The following PCDHGA6 variants were observed in gnomAD, a reference collection of about 807,000 sequenced individuals.
The protein encoded by PCDHGA6 is protocadherin gamma-A6.
Under a neutral mutation model 60.6 loss-of-function variants are expected in PCDHGA6, and 41 were observed. The ratio of observed to expected loss-of-function variants is 0.68; its 90% confidence interval spans 0.53 to 0.88. The LOEUF is 0.88. PCDHGA6 is among the 40% of genes least tolerant of loss of function. The pLI is 0.00. For missense variants in PCDHGA6, 1,312 were observed against 1,203.0 expected, an observed-to-expected ratio of 1.09 and a Z score of -1.34; for synonymous variants, 594 against 524.4, an observed-to-expected ratio of 1.13 and a Z score of -1.81.
At chr5:141,408,953 CTT>C in intron 1 of PCDHGA6, 1 of 1,613,552 alleles carries the variant, frequency 6.2e-7, no homozygotes, top group Non-Finnish European at 8.5e-7. Context: ...TAGAATTAGT[CTT>C]AGTGAAAATC....
rs776015544 is a variant in PCDHGA6, at chr5:141,485,125, G to C, written c.2425-9682G>C. The C allele has an allele frequency of 7.1e-7, 1 of 1,412,278 alleles. No homozygotes were observed. Among genetic ancestry groups the C allele is most frequent in the Admixed American group, 1.7e-5 (1 of 57,660 alleles). 87.5% of individuals were successfully genotyped at this position (1,412,278 alleles called of 1,614,324 possible). On this transcript the variant is annotated intron_variant, in intron 1 of 3. Transcript: ENST00000517434. The surrounding 1 kb of genome is among the most constrained non-coding windows in gnomAD (Gnocchi z 5.7). The stretch of plus-strand genomic sequence containing the variant: ...CTGCTGTGGCTGTTTGGGGCGGGTC[G>C]GCTTCATCCGCGTCTCAGGAGCAAG...
At chr5:141,408,378 TG>T (rs780092463) in intron 1 of PCDHGA6, 2 of 1,614,002 alleles carry the variant, frequency 1.2e-6, no homozygotes, top group Admixed American at 1.7e-5. Flanking sequence ...CTCAGTGTCC[TG>T]GATGTGTCGG....
At chr5:141,403,811 A>C in intron 1 of PCDHGA6, 1 of 1,613,930 alleles carries the variant, frequency 6.2e-7, no homozygotes, top group Non-Finnish European at 8.5e-7. Flanking sequence ...AATTAATGAA[A>C]AACAATCTCT....
chr5:141,409,753 G>T, intron 1 of PCDHGA6: 1 of 1,613,006 alleles, frequency 6.2e-7, no homozygotes. Context: ...TGTTCGCGCA[G>T]CGCGCCTTTG....
At chr5:141,403,612 G>A (rs1314297922) in intron 1 of PCDHGA6, 1 of 1,613,854 alleles carries the variant, frequency 6.2e-7, no homozygotes, top group Non-Finnish European at 8.5e-7. Flanking sequence ...GCGGCGAGCC[G>A]CGTCGCTCCA....
intron 1 of PCDHGA6, among the ~76,000 whole-genome samples, chr5:141,437,526 G>A (rs1199002765): frequency 1.3e-5 from 2 of 152,160 alleles, no homozygotes; most frequent in East Asian, 3.8e-4. Context: ...GATGACAAAT[G>A]AGCAAATTGT....
At chr5:141,450,006 CTTT>C (rs1554136305) in intron 1 of PCDHGA6, among the ~76,000 whole-genome samples, 9 of 132,974 alleles carry the variant, frequency 6.8e-5, no homozygotes, top group Admixed American at 7.8e-5. Context: ...TGCCATGTCT[CTTT>C]TTTTTTTTTT....
chr5:141,492,546 G>A (rs2154587552), intron 1 of PCDHGA6, among the ~76,000 whole-genome samples: 1 of 152,336 alleles, frequency 6.6e-6, no homozygotes, highest in East Asian at 1.9e-4. Flanking sequence ...GCTGGGCCGG[G>A]TCGCCTGGGG....
intron 1 of PCDHGA6, chr5:141,383,980 C>T: frequency 6.2e-7 from 1 of 1,613,696 alleles, no homozygotes; most frequent in Admixed American, 1.7e-5. Context: ...TGAAGACACA[C>T]CTCTTGGGAC....
intron 1 of PCDHGA6, among the ~76,000 whole-genome samples, chr5:141,456,902 G>A (rs886945444): frequency 6.6e-6 from 1 of 152,294 alleles, no homozygotes; most frequent in South Asian, 2.1e-4. Flanking sequence ...GGCAGAGGTT[G>A]CAGTGAGCCG....
In PCDHGA6 at chr5:141,490,134, C is replaced by G; in HGVS notation, c.2425-4673C>G. On this transcript the variant is annotated intron_variant, in intron 1 of 3. Transcript: ENST00000517434. This position sits in a 1 kb window ranked among gnomAD's most constrained non-coding sequence, Gnocchi z 5.4. ...GGAACCTCTTTGGCCTAGACCCTAG[C>G]AGTGGGGCAATCCATGTGTTGGGTC... The G allele has an allele frequency of 1.2e-6, 2 of 1,614,232 alleles. No homozygotes were observed. The highest frequency in any genetic ancestry group is 1.7e-6 in the Non-Finnish European group (2 of 1,180,030).
intron 1 of PCDHGA6, chr5:141,391,745 C>T (rs1371260062): frequency 6.6e-6 from 1 of 152,116 alleles, no homozygotes; most frequent in African/African-American, 2.4e-5. Flanking sequence ...CATACTTATC[C>T]TTTGGCTTCT....
At chr5:141,448,654 A>G (rs966383140) in intron 1 of PCDHGA6, among the ~76,000 whole-genome samples, 1 of 152,048 alleles carries the variant, frequency 6.6e-6, no homozygotes, top group African/African-American at 2.4e-5. Context: ...AAATATTTCC[A>G]TATTGGCCGG....
chr5:141,495,412 G>A lies in PCDHGA6; in HGVS notation c.2483+547G>A, dbSNP rs188302135. 2.2e-4 allele frequency among the ~76,000 whole-genome samples: 33 copies of A among 152,284 alleles called. No homozygotes were observed. The East Asian group carries it at 6.4e-3, about 29-fold the overall frequency. ...GGCATGGAGCAGGCCCCCTTCTCCG[G>A]CCCCTCCTCCCACTGTCCTCTGCCC... On this transcript the variant is annotated intron_variant, in intron 2 of 3. Coordinates refer to ENST00000517434, the MANE Select transcript of PCDHGA6 (RefSeq NM_018919.3).
At position 141,403,830 on chromosome 5, in the gene PCDHGA6, A is replaced by G. The variant is rs763794433; in HGVS notation, c.2424+27323A>G. On this transcript the variant is annotated intron_variant, in intron 1 of 3. Coordinates refer to ENST00000517434, the MANE Select transcript of PCDHGA6 (RefSeq NM_018919.3). ...AATGAAAAACAATCTCTGCTATTCC[A>G]GCTTAATGAAAATACTGGGGAAATA... The G allele has an allele frequency of 3.7e-6, 6 of 1,613,754 alleles. No individual in the cohort carries two copies. In the Admixed American group the frequency reaches 5.0e-5, roughly 13 times the overall value.
intron 1 of PCDHGA6, chr5:141,405,493 C>T: frequency 1.2e-6 from 1 of 841,642 alleles, no homozygotes; most frequent in Middle Eastern, 3.1e-4. Flanking sequence ...GATCTCGGCT[C>T]ATTGCAACCT....
intron 1 of PCDHGA6, among the ~76,000 whole-genome samples, chr5:141,425,382 G>A (rs1455106607): frequency 1.3e-5 from 2 of 152,208 alleles, no homozygotes; most frequent in African/African-American, 4.8e-5. Context: ...TTGATTCGGA[G>A]GTAGTGATAA....
rs2099884522 is a variant in PCDHGA6, at chr5:141,512,941, T to C, written c.*1768T>C. On this transcript the variant is annotated 3_prime_UTR_variant, in exon 4 of 4. Transcript: ENST00000517434. ...CTAATATTTATATGGCTTTTTTTCT[T>C]CGACAAAAAAATAATAAAACGTTTC... The C allele has an allele frequency of 6.6e-6, 1 of 151,892 alleles. No individual in the cohort carries two copies. The highest frequency in any genetic ancestry group is 6.6e-5 in the Admixed American group (1 of 15,236). The allele number at this position is 151,892 out of a possible 1,614,324, so 9.4% of individuals were successfully genotyped here.
In PCDHGA6 at chr5:141,388,127, C is replaced by T. The variant is rs760517049; in HGVS notation, c.2424+11620C>T. 21 of 1,427,554 alleles carry T rather than the reference C, an allele frequency of 1.5e-5. No homozygotes were observed. The African/African-American group carries it at 2.9e-4, about 20-fold the overall frequency. The allele number at this position is 1,427,554 out of a possible 1,614,324, so 88.4% of individuals were successfully genotyped here. On this transcript the variant is annotated intron_variant, in intron 1 of 3. Coordinates refer to ENST00000517434, the MANE Select transcript of PCDHGA6 (RefSeq NM_018919.3). ...CTTACTTCACCGTGAGCGCAGAGAG[C>T]GGGGAGTTGCTTGTGAGCAGCAGGC...
Sources: allele counts gnomAD v4.1 joint callset (sites outside exome capture counted in the v4.1 genomes callset), GRCh38; gene constraint gnomAD v4.1.1; non-coding constraint Gnocchi (gnomAD v3.1); transcripts MANE v1.5; gene names NCBI Gene and HGNC (gene_info 2026-07-23, HGNC 2026-07-21).